The following ERC2 variants were observed in gnomAD, a reference collection of about 807,000 sequenced individuals.
ERC2 encodes the protein ERC protein 2.
Under a neutral mutation model 114.8 loss-of-function variants are expected in ERC2, and 42 were observed. The observed-to-expected ratio is 0.37, with a 90% CI of 0.29 to 0.47. The LOEUF (loss-of-function observed/expected upper bound fraction) is 0.47, where lower values mean the gene tolerates loss of function less well. Among genes scored for constraint, ERC2 ranks in the 20% least tolerant of loss-of-function variants. The pLI is 0.99. For synonymous variants in ERC2, 454 were observed against 425.5 expected (o/e 1.07, Z -0.82); for missense variants, 939 against 1,150.7 (o/e 0.82, Z 2.66).
At chr3:56,186,114 T>TAAAAAAAAAAAAAAAAAAAAAAAAAAAA (rs201544979) in intron 3 of ERC2, among the ~76,000 whole-genome samples, 9 of 102,544 alleles carry the variant, frequency 8.8e-5, no homozygotes, top group Admixed American at 2.1e-4. Context: ...TCAAGAACCT[T>TAAAAAAAAAAAAAAAAAAAAAAAAAAAA]AAAAAAAAAA....
At chr3:56,258,241 G>A (rs1488727314) in intron 3 of ERC2, among the ~76,000 whole-genome samples, 1 of 148,598 alleles carries the variant, frequency 6.7e-6, no homozygotes, top group African/African-American at 2.5e-5. Flanking sequence ...TAAAGGGCCA[G>A]ATAATAAATA....
intron 6 of ERC2, among the ~76,000 whole-genome samples, chr3:56,126,807 G>GGA (rs2079893550): frequency 3.7e-5 from 4 of 107,460 alleles, no homozygotes; most frequent in East Asian, 2.5e-4. Context: ...AAAGGAAAGG[G>GGA]AAGGAAAGGA....
At chr3:55,830,782 A>G (rs528048468) in intron 14 of ERC2, among the ~76,000 whole-genome samples, 1 of 151,966 alleles carries the variant, frequency 6.6e-6, no homozygotes, top group Non-Finnish European at 1.5e-5. Context: ...CATTTCTAAA[A>G]AATTATAAAA....
chr3:56,009,359 T>A (rs2149568082), intron 9 of ERC2, among the ~76,000 whole-genome samples: 1 of 152,322 alleles, frequency 6.6e-6, no homozygotes, highest in Non-Finnish European at 1.5e-5. Context: ...TAAGCTCCTT[T>A]CTAAAAAGCA....
At position 55,529,387 on chromosome 3, in the gene ERC2, C is replaced by T. The variant is rs185992409; in HGVS notation, c.*40-18111G>A. On this transcript the variant is annotated intron_variant, in intron 17 of 17. Transcript: ENST00000288221. ...TAAACAGTAAGTCAGTGAGGGTGTACGGAAACTCTTAGAGGAAAGAGAACT... is the reference window on the plus strand; with the variant it reads ...TAAACAGTAAGTCAGTGAGGGTGTATGGAAACTCTTAGAGGAAAGAGAACT... 3.2e-3 allele frequency among the ~76,000 whole-genome samples: 480 copies of T among 152,196 alleles called. 3 individuals are homozygous for T. Among genetic ancestry groups the T allele is most frequent in the Middle Eastern group, 0.01 (3 of 294 alleles).
chr3:55,951,028 T>C (rs1161611132), intron 12 of ERC2, among the ~76,000 whole-genome samples: 1 of 152,074 alleles, frequency 6.6e-6, no homozygotes, highest in African/African-American at 2.4e-5. Flanking sequence ...GAAACACCAG[T>C]GGCAGAGCTC....
chr3:56,352,162 A>G (rs1268305591), intron 2 of ERC2, among the ~76,000 whole-genome samples: 1 of 152,242 alleles, frequency 6.6e-6, no homozygotes, highest in South Asian at 2.1e-4. Context: ...ATTAAAAAAT[A>G]AAAATCTAGA....
intron 17 of ERC2, among the ~76,000 whole-genome samples, chr3:55,630,363 T>G (rs1286048355): frequency 1.3e-5 from 2 of 152,026 alleles, no homozygotes; most frequent in Non-Finnish European, 2.9e-5. Context: ...GAGACGGGGT[T>G]TCTCCATGTT....
chr3:55,734,736 C>T (rs1166422814), intron 15 of ERC2, 35 bp downstream of exon 15: 1 of 1,581,676 alleles, frequency 6.3e-7, no homozygotes, highest in Non-Finnish European at 8.6e-7. Flanking sequence ...AGCCCCAAAC[C>T]CAGAAAAACA....
intron 14 of ERC2, among the ~76,000 whole-genome samples, chr3:55,828,253 C>T (rs995988079): frequency 2.0e-5 from 3 of 152,162 alleles, no homozygotes; most frequent in Admixed American, 2.0e-4. Context: ...CTAAACATTC[C>T]GGACAAAATA....
intron 17 of ERC2, among the ~76,000 whole-genome samples, chr3:55,597,297 A>C (rs1323279101): frequency 1.3e-5 from 2 of 151,762 alleles, no homozygotes; most frequent in East Asian, 3.9e-4. Context: ...GCAGGTGCCT[A>C]TAGTTCCAGC....
At chr3:55,682,643 A>G (rs1341078267) in intron 17 of ERC2, among the ~76,000 whole-genome samples, 2 of 152,196 alleles carry the variant, frequency 1.3e-5, no homozygotes, top group Non-Finnish European at 2.9e-5. Flanking sequence ...AGACTCGGGG[A>G]AAGACATACA....
At chr3:56,045,216 G>A (rs566828558) in intron 7 of ERC2, among the ~76,000 whole-genome samples, 18 of 152,154 alleles carry the variant, frequency 1.2e-4, no homozygotes, top group Non-Finnish European at 2.2e-4. Context: ...AAAAGAGGGC[G>A]GTTAACATGC....
At chr3:55,543,049 T>G (rs1302992163) in intron 17 of ERC2, among the ~76,000 whole-genome samples, 1 of 152,256 alleles carries the variant, frequency 6.6e-6, no homozygotes, top group African/African-American at 2.4e-5. Context: ...GGTGTTTCAC[T>G]GCAAGTCCAT....
rs138387591 is a variant in ERC2 at position 55,854,504 on chromosome 3, C to T, written c.2564+33885G>A. Among the ~76,000 whole-genome samples the T allele has an allele frequency of 6.5e-3, 982 of 152,248 alleles. 8 individuals are homozygous for T. Among genetic ancestry groups the T allele is most frequent in the Middle Eastern group, 0.01 (3 of 294 alleles). On this transcript the variant is annotated intron_variant, in intron 14 of 17. Coordinates refer to ENST00000288221, the MANE Select transcript of ERC2 (RefSeq NM_015576.3). ...AGAGCACAGGAGCAGCAGAGACAAC[C>T]GCGGCTCTGGGGCCTGCTGCAGAGC...
At chr3:55,670,508 T>C (rs2061516732) in intron 17 of ERC2, among the ~76,000 whole-genome samples, 1 of 152,318 alleles carries the variant, frequency 6.6e-6, no homozygotes, top group South Asian at 2.1e-4. Context: ...CCATGGGGAA[T>C]GCAATGTGAG....
intron 14 of ERC2, among the ~76,000 whole-genome samples, chr3:55,769,807 ACT>A (rs1307404127): frequency 2.0e-5 from 3 of 152,174 alleles, no homozygotes; most frequent in Non-Finnish European, 4.4e-5. Context: ...TTGGAAAATA[ACT>A]CTGAAAACAG....
At chr3:56,009,527 CGGAGCTAGGAG>C (rs771891386) in intron 9 of ERC2, among the ~76,000 whole-genome samples, 2 of 152,088 alleles carry the variant, frequency 1.3e-5, no homozygotes, top group Admixed American at 6.6e-5. Context: ...GGAAATACTG[CGGAGCTAGGAG>C]ATAGATAACT....
chr3:55,704,427 T>G (rs1261788025), intron 15 of ERC2, among the ~76,000 whole-genome samples: 1 of 152,220 alleles, frequency 6.6e-6, no homozygotes, highest in Non-Finnish European at 1.5e-5. Context: ...ATGGAGATAA[T>G]ACTGTACAAT....
Sources: allele counts gnomAD v4.1 joint callset (sites outside exome capture counted in the v4.1 genomes callset), GRCh38; gene constraint gnomAD v4.1.1; transcripts MANE v1.5; gene names NCBI Gene and HGNC (gene_info 2026-07-23, HGNC 2026-07-21).